The following CREBBP variants were observed in gnomAD, a reference collection of about 807,000 sequenced individuals.
CREBBP encodes the protein CREB binding lysine acetyltransferase, also known as CREB-binding protein.
Under a neutral mutation model 265.0 loss-of-function variants are expected in CREBBP, and 19 were observed. That is an observed-to-expected ratio of 0.07 (90% CI 0.05 to 0.11). CREBBP has a LOEUF of 0.11. CREBBP is among the 10% of genes least tolerant of loss of function. The pLI is 1.00. For synonymous variants in CREBBP, 1,457 were observed against 1,223.7 expected (o/e 1.19, Z -3.98); for missense variants, 2,525 against 3,219.0 (o/e 0.78, Z 5.22).
rs541008375 is a variant in CREBBP, at chr16:3,737,307, C to T, written c.4395-492G>A. 6.1e-4 allele frequency among the ~76,000 whole-genome samples: 93 copies of T among 152,170 alleles called. 1 individual carries two copies. In the South Asian group the frequency reaches 0.019, roughly 31 times the overall value. On this transcript the variant is annotated intron_variant, in intron 26 of 30. Transcript: ENST00000262367. Reference sequence around the variant, plus strand: ...AGAAACCAAGGGCTAGAGAAGGAAGCCAGACCCAAGACAGCATACGCTGCA... The same window carrying T: ...AGAAACCAAGGGCTAGAGAAGGAAGTCAGACCCAAGACAGCATACGCTGCA...
At chr16:3,814,548 C>T (rs535749615) in intron 2 of CREBBP, among the ~76,000 whole-genome samples, 7 of 152,052 alleles carry the variant, frequency 4.6e-5, no homozygotes, top group Non-Finnish European at 7.4e-5. Context: ...TAAGCCACCA[C>T]GCCTGGCCAT....
chr16:3,729,924 C>T (rs2051866292), intron 30 of CREBBP, 50 bp from the exon 31 acceptor site: 5 of 1,591,362 alleles, frequency 3.1e-6, no homozygotes, highest in African/African-American at 2.7e-5. Context: ...GACCCAGTAC[C>T]ACCAGGCATC....
chr16:3,790,532 G>A (rs980665217), intron 5 of CREBBP, among the ~76,000 whole-genome samples: 2 of 151,934 alleles, frequency 1.3e-5, no homozygotes, highest in Non-Finnish European at 2.9e-5. Flanking sequence ...GCGCCACCAC[G>A]CCCGGCTAAT....
At chr16:3,859,446 G>A (rs899339947) in intron 1 of CREBBP, among the ~76,000 whole-genome samples, 6 of 152,016 alleles carry the variant, frequency 3.9e-5, no homozygotes, top group African/African-American at 9.7e-5. Flanking sequence ...CATCCGCCTC[G>A]GCCTCACAAA....
chr16:3,772,915 C>A (rs992817634), intron 13 of CREBBP, among the ~76,000 whole-genome samples: 455 of 88,674 alleles, frequency 5.1e-3, no homozygotes, highest in East Asian at 0.011. Flanking sequence ...ACTAAAAATA[C>A]AAAAAAAAAA....
At chr16:3,799,565 G>C (rs2053672834) in intron 3 of CREBBP, among the ~76,000 whole-genome samples, 1 of 152,198 alleles carries the variant, frequency 6.6e-6, no homozygotes, top group African/African-American at 2.4e-5. Context: ...ATGATTCATT[G>C]TTAAGGAAGT....
intron 1 of CREBBP, among the ~76,000 whole-genome samples, chr16:3,873,560 G>A (rs111362374): frequency 6.6e-6 from 1 of 152,270 alleles, no homozygotes; most frequent in African/African-American, 2.4e-5. Flanking sequence ...TACAAGGTAC[G>A]ACAACGTCCC....
At chr16:3,779,216 C>A (rs904892017) in intron 8 of CREBBP, among the ~76,000 whole-genome samples, 2 of 151,952 alleles carry the variant, frequency 1.3e-5, no homozygotes, top group Non-Finnish European at 2.9e-5. Flanking sequence ...CTCTATCGCC[C>A]AGGCTGGAGT....
At position 3,769,292 on chromosome 16, in the gene CREBBP, G is replaced by C. The variant is rs1272169368; in HGVS notation, c.2942C>G (p.Ala981Gly). ...TCCTGGCTGCTGGGAATTGGTTTCT[G>C]CGCTGGCCACCGAGGAGGGGGTAGG... ...RVPTPSSVAS[A>G]ETNSQQPGPD... is the part of the protein sequence containing the mutation. Residue 981 changes from alanine (A) to glycine (G), a missense_variant, in exon 15 of 31, where the codon GCA becomes GGA. Ala to Gly is a moderately conservative substitution (Grantham distance 60). This residue lies in a region of CREBBP where 548 missense variants were observed against 533.0 expected (regional missense o/e 1.03). Transcript: ENST00000262367. The C allele has an allele frequency of 6.2e-7, 1 of 1,613,998 alleles. No homozygotes were observed. The highest frequency in any genetic ancestry group is 8.5e-7 in the Non-Finnish European group (1 of 1,180,034).
intron 3 of CREBBP, among the ~76,000 whole-genome samples, chr16:3,799,945 GA>G (rs2053679456): frequency 6.6e-6 from 1 of 152,114 alleles, no homozygotes; most frequent in Non-Finnish European, 1.5e-5. Context: ...ATTTTGGGGG[GA>G]AATTCCCGAG....
At chr16:3,803,425 A>T (rs762844079) in intron 3 of CREBBP, among the ~76,000 whole-genome samples, 4 of 152,012 alleles carry the variant, frequency 2.6e-5, no homozygotes, top group African/African-American at 4.8e-5. Flanking sequence ...GAATAGCTTG[A>T]ACCTGGGAGG....
intron 2 of CREBBP, among the ~76,000 whole-genome samples, chr16:3,843,981 T>C (rs1391038914): frequency 6.7e-6 from 1 of 150,154 alleles, no homozygotes; most frequent in Non-Finnish European, 1.5e-5. Context: ...ACCCCGTCTC[T>C]ACTAAAAATA....
chr16:3,764,140 CTT>C (rs2052790041), intron 16 of CREBBP, among the ~76,000 whole-genome samples: 1 of 151,846 alleles, frequency 6.6e-6, no homozygotes, highest in Non-Finnish European at 1.5e-5. Context: ...TAAAATTTTT[CTT>C]CTTTTTTTTG....
rs2051767095 is a variant in CREBBP, at chr16:3,727,198, C to G, written c.*520G>C. On this transcript the variant is annotated 3_prime_UTR_variant, in exon 31 of 31. Transcript: ENST00000262367. ...TCAATTCCTATCATCCAGGGTAATA[C>G]TGGGAGACGCCCACAGAGTTCACTA... The G allele has an allele frequency of 4.0e-6, 1 of 246,954 alleles. No homozygotes were observed. The highest frequency in any genetic ancestry group is 2.2e-5 in the African/African-American group (1 of 45,324). The allele number at this position is 246,954 out of a possible 1,614,324, so 15.3% of individuals were successfully genotyped here. A position where few individuals can be genotyped will look rare whatever the true frequency, so the allele number is the denominator to read the frequency against.
intron 4 of CREBBP, among the ~76,000 whole-genome samples, chr16:3,792,963 C>T (rs1354969250): frequency 1.3e-5 from 2 of 152,226 alleles, no homozygotes; most frequent in Non-Finnish European, 2.9e-5. Flanking sequence ...AGCAAGGCCG[C>T]AGGCCACCAA....
At chr16:3,797,795 T>G (rs2053637272) in intron 3 of CREBBP, among the ~76,000 whole-genome samples, 1 of 151,754 alleles carries the variant, frequency 6.6e-6, no homozygotes, top group African/African-American at 2.4e-5. Flanking sequence ...AAAATTCACA[T>G]GAACTAAAGT....
intron 2 of CREBBP, among the ~76,000 whole-genome samples, chr16:3,844,392 T>C (rs2054624864): frequency 6.6e-6 from 1 of 152,110 alleles, no homozygotes; most frequent in Admixed American, 6.6e-5. Context: ...GTCACATAAA[T>C]AAATGGAAAG....
At chr16:3,845,060 A>C (rs139259990) in intron 2 of CREBBP, among the ~76,000 whole-genome samples, 1 of 152,180 alleles carries the variant, frequency 6.6e-6, no homozygotes, top group Non-Finnish European at 1.5e-5. Context: ...CCAAAATCCC[A>C]AAGATTTTTT....
chr16:3,835,815 T>C (rs567747061), intron 2 of CREBBP, among the ~76,000 whole-genome samples: 2 of 151,654 alleles, frequency 1.3e-5, no homozygotes, highest in East Asian at 2.0e-4. Flanking sequence ...CTCCTGACCT[T>C]GTGATCCACC....
Sources: gnomAD v4.1 joint callset for allele counts (sites outside exome capture counted in the v4.1 genomes callset) on GRCh38, gnomAD v4.1.1 for gene constraint, gnomAD v4.1.1 regional missense constraint, MANE v1.5 for transcripts, NCBI Gene and HGNC (gene_info 2026-07-23, HGNC 2026-07-21) for gene names.